Variants in GCLC observed in about 807,000 individuals in gnomAD.
The protein encoded by GCLC is glutamate-cysteine ligase catalytic subunit.
A neutral mutation model predicts 81.5 loss-of-function variants in GCLC; 30 were observed. That is an observed-to-expected ratio of 0.37 (90% CI 0.28 to 0.50). GCLC has a LOEUF of 0.50. GCLC is among the 20% of genes least tolerant of loss of function. The pLI is 0.96. For missense variants in GCLC, 556 were observed against 777.4 expected (o/e 0.72, Z 3.39); for synonymous variants, 262 against 273.3 (o/e 0.96, Z 0.41).
rs1465622031 is a variant in GCLC at position 53,507,545 on chromosome 6, C to T, written c.1019G>A (p.Gly340Asp). The T allele has an allele frequency of 2.5e-6, 4 of 1,594,160 alleles. No homozygotes were observed. The highest frequency in any genetic ancestry group is 3.4e-6 in the Non-Finnish European group (4 of 1,162,114). Reference sequence around the variant, plus strand: ...CAAGTCGATGTCATTATATTTCTCACCACACTTAGATAAATAGCTGTCTAT... The same window carrying T: ...CAAGTCGATGTCATTATATTTCTCATCACACTTAGATAAATAGCTGTCTAT... ...DSIDSYLSKC[G>D]EKYNDIDLTI... is the part of the protein sequence containing the mutation. Residue 340 changes from glycine (G) to aspartate (D), a missense_variant, in exon 9 of 16, where the codon GGT (glycine) becomes GAT (aspartate). Physicochemically the swap from Gly to Asp is moderately conservative, Grantham distance 94. Coordinates refer to ENST00000650454, the MANE Select transcript of GCLC (RefSeq NM_001498.4).
intron 1 of GCLC, among the ~76,000 whole-genome samples, chr6:53,535,495 T>C (rs1012451483): frequency 5.3e-5 from 8 of 151,330 alleles, no homozygotes; most frequent in East Asian, 1.9e-4. Flanking sequence ...GCCTGGGCCA[T>C]AGAGTGAGAA....
chr6:53,542,163 T>C (rs1763369509), intron 1 of GCLC, among the ~76,000 whole-genome samples: 1 of 152,194 alleles, frequency 6.6e-6, no homozygotes, highest in Non-Finnish European at 1.5e-5. Context: ...TATTAGAGTC[T>C]TAATACAATA....
intron 1 of GCLC, among the ~76,000 whole-genome samples, chr6:53,524,421 T>G (rs1406303043): frequency 6.6e-6 from 1 of 152,218 alleles, no homozygotes; most frequent in South Asian, 2.1e-4. Context: ...TGGATGAAAC[T>G]ATCTCAAATT....
chr6:53,542,687 T>C (rs542467084), intron 1 of GCLC, among the ~76,000 whole-genome samples: 2 of 152,148 alleles, frequency 1.3e-5, no homozygotes, highest in Non-Finnish European at 2.9e-5. Context: ...AGACTTGAAC[T>C]GCCTGTCTTT....
intron 1 of GCLC, among the ~76,000 whole-genome samples, chr6:53,532,683 C>T (rs1463725441): frequency 6.6e-6 from 1 of 152,126 alleles, no homozygotes; most frequent in Non-Finnish European, 1.5e-5. Flanking sequence ...GTCATGGAGT[C>T]ACTCACCTTA....
At chr6:53,525,277 G>A (rs1763060988) in intron 1 of GCLC, among the ~76,000 whole-genome samples, 2 of 152,094 alleles carry the variant, frequency 1.3e-5, no homozygotes, top group Admixed American at 6.6e-5. Flanking sequence ...ACACATTTAT[G>A]TTTATTTCCG....
chr6:53,527,353 T>C (rs1438264253), intron 1 of GCLC, among the ~76,000 whole-genome samples: 3 of 152,200 alleles, frequency 2.0e-5, no homozygotes, highest in African/African-American at 7.2e-5. Context: ...GAACCAACTG[T>C]TGCTTCTCAG....
In GCLC at chr6:53,522,799, T is replaced by A. The variant is rs1763021115; in HGVS notation, c.151-272A>T. 1.7e-5 allele frequency: 5 copies of A among 286,008 alleles called. No individual in the cohort carries two copies. The South Asian group carries it at 2.4e-4, about 14-fold the overall frequency. 17.7% of individuals were successfully genotyped at this position (286,008 alleles called of 1,614,324 possible). On this transcript the variant is annotated intron_variant, in intron 1 of 15. Transcript: ENST00000650454. ...GGTCGATACCCATTTTGACAAGCTG[T>A]ACTTCAAAAAAAAGATGTGTTTTGA...
intron 8 of GCLC, 69 bp from the exon 9 acceptor site, chr6:53,507,687 T>A (rs1337911291): frequency 1.1e-5 from 7 of 653,762 alleles, no homozygotes; most frequent in Non-Finnish European, 1.7e-5. Context: ...TTATATATGA[T>A]AATTATATAA....
At position 53,497,381 on chromosome 6, in the gene GCLC, A is replaced by T. The variant is rs1764389455; in HGVS notation, c.*1375T>A. 6.6e-6 allele frequency: 1 copy of T among 152,248 alleles called. No homozygotes were observed. Among genetic ancestry groups the T allele is most frequent in the South Asian group, 2.1e-4 (1 of 4,836 alleles). The allele number at this position is 152,248 out of a possible 1,614,324, so 9.4% of individuals were successfully genotyped here. On this transcript the variant is annotated 3_prime_UTR_variant, in exon 16 of 16. Transcript: ENST00000650454. ...TAATTCCATTCTTTTATTTCCTCAT[A>T]CCACAAACATTTCAATTTATCTGCC... is the stretch of plus-strand genomic sequence containing the variant.
chr6:53,498,495 A>T lies in GCLC; in HGVS notation c.*261T>A, dbSNP rs1050438207. On this transcript the variant is annotated 3_prime_UTR_variant, in exon 16 of 16. Transcript: ENST00000650454. ...GTAGGTTGCTCCAGAGTAAGAATTT[A>T]AAAATGTACAAGCCAGTTCATGATG... is the stretch of plus-strand genomic sequence containing the variant. The T allele has an allele frequency of 8.8e-6, 4 of 455,096 alleles. No individual in the cohort carries two copies. The highest frequency in any genetic ancestry group is 1.6e-5 in the Non-Finnish European group (4 of 252,626). 28.2% of individuals were successfully genotyped at this position (455,096 alleles called of 1,614,324 possible).
intron 1 of GCLC, among the ~76,000 whole-genome samples, chr6:53,532,611 C>T (rs1171413314): frequency 1.3e-5 from 2 of 152,210 alleles, no homozygotes. Context: ...GGTTCCCCTC[C>T]AGCAGTTAAT....
rs1366977872 is a variant in GCLC at position 53,497,835 on chromosome 6, G to C, written c.*921C>G. 6.6e-6 allele frequency: 1 copy of C among 152,426 alleles called. No homozygotes were observed. The highest frequency in any genetic ancestry group is 2.4e-5 in the African/African-American group (1 of 41,366). 9.4% of individuals were successfully genotyped at this position (152,426 alleles called of 1,614,324 possible). On this transcript the variant is annotated 3_prime_UTR_variant, in exon 16 of 16. Coordinates refer to ENST00000650454, the MANE Select transcript of GCLC (RefSeq NM_001498.4). Reference sequence around the variant, plus strand: ...AATCTGGAGTGAATGGCTTTTAGAGGAAAGTCTATCAGTATGCTTAACTAA... The same window carrying C: ...AATCTGGAGTGAATGGCTTTTAGAGCAAAGTCTATCAGTATGCTTAACTAA...
intron 1 of GCLC, among the ~76,000 whole-genome samples, chr6:53,538,498 T>C (rs1763297324): frequency 1.3e-5 from 2 of 151,928 alleles, no homozygotes; most frequent in Non-Finnish European, 2.9e-5. Flanking sequence ...GGCTAATTTT[T>C]TCTTTTGTAT....
intron 12 of GCLC, among the ~76,000 whole-genome samples, chr6:53,502,045 CA>C (rs1561937828): frequency 6.6e-6 from 1 of 152,024 alleles, no homozygotes; most frequent in Admixed American, 6.5e-5. Context: ...TTTTAATTTC[CA>C]ATGTTAAATT....
At position 53,538,841 on chromosome 6, in the gene GCLC, G is replaced by T. The variant is rs567204267; in HGVS notation, c.150+5655C>A. On this transcript the variant is annotated intron_variant, in intron 1 of 15. Coordinates refer to ENST00000650454, the MANE Select transcript of GCLC (RefSeq NM_001498.4). ...ACTGCACTGGGTTACAAACTTAGAA[G>T]TAAAAGTTTAGTTTTAAATGTTGTT... Among the ~76,000 whole-genome samples the T allele has an allele frequency of 7.2e-5, 11 of 152,288 alleles. No individual in the cohort carries two copies. In the East Asian group the frequency reaches 1.7e-3, roughly 24 times the overall value.
chr6:53,499,878 A>T (rs1387962667), intron 15 of GCLC, among the ~76,000 whole-genome samples, 167 bp downstream of exon 15: 1 of 152,200 alleles, frequency 6.6e-6, no homozygotes, highest in African/African-American at 2.4e-5. Flanking sequence ...TACTAATCTA[A>T]ATTATGAGTG....
intron 3 of GCLC, among the ~76,000 whole-genome samples, chr6:53,519,693 C>A (rs936700759): frequency 3.3e-5 from 5 of 152,136 alleles, no homozygotes; most frequent in Non-Finnish European, 7.3e-5. Context: ...GAAATGTGCC[C>A]ACTCTAATCA....
rs1317865123 is a variant in GCLC at position 53,523,438 on chromosome 6, A to G, written c.151-911T>C. ...CACATGGCACCAATACAATTACTAC[A>G]GAGGTAGGAAACTGATTCCTCACAA... On this transcript the variant is annotated intron_variant, in intron 1 of 15. Transcript: ENST00000650454. 4 of 152,366 alleles carry G rather than the reference A, an allele frequency of 2.6e-5. No individual in the cohort carries two copies. The South Asian group carries it at 8.3e-4, about 32-fold the overall frequency. The allele number at this position is 152,366 out of a possible 1,614,324, so 9.4% of individuals were successfully genotyped here. A position where few individuals can be genotyped will look rare whatever the true frequency, so the allele number is the denominator to read the frequency against.
Sources: allele counts gnomAD v4.1 joint callset (sites outside exome capture counted in the v4.1 genomes callset), GRCh38; gene constraint gnomAD v4.1.1; transcripts MANE v1.5; gene names NCBI Gene and HGNC (gene_info 2026-07-23, HGNC 2026-07-21).